SCMH1: variants seen among roughly 807,000 people sequenced by gnomAD.
SCMH1 encodes the protein Scm polycomb group protein homolog 1, also known as polycomb protein SCMH1.
Under a neutral mutation model 70.8 loss-of-function variants are expected in SCMH1, and 37 were observed. The observed-to-expected ratio is 0.52, with a 90% confidence interval of 0.40 to 0.69. The LOEUF (loss-of-function observed/expected upper bound fraction) is 0.69, where lower values mean the gene tolerates loss of function less well. Among genes scored for constraint, SCMH1 ranks in the 30% least tolerant of loss-of-function variants. The probability of loss-of-function intolerance (pLI) is 0.00; values close to 1 mark genes in which losing one functional copy is unlikely to be tolerated. For synonymous variants in SCMH1, 292 were observed against 307.4 expected (o/e 0.95, Z 0.52); for missense variants, 607 against 827.3 (o/e 0.73, Z 3.27).
chr1:41,058,554 G>C (rs1651429991), intron 10 of SCMH1, among the ~76,000 whole-genome samples: 1 of 151,794 alleles, frequency 6.6e-6, no homozygotes, highest in South Asian at 2.1e-4. Context: ...CTAATTCTTT[G>C]TATATTTAGT....
At chr1:41,067,176 G>C (rs551501439) in intron 10 of SCMH1, among the ~76,000 whole-genome samples, 1 of 152,160 alleles carries the variant, frequency 6.6e-6, no homozygotes, top group African/African-American at 2.4e-5. Flanking sequence ...CAGGCGTGGT[G>C]GTTCACACCT....
At chr1:41,114,663 C>CTCTCTT (rs1038268589) in intron 7 of SCMH1, among the ~76,000 whole-genome samples, 7 of 144,156 alleles carry the variant, frequency 4.9e-5, no homozygotes, top group African/African-American at 1.6e-4. Flanking sequence ...GATTTCCTTT[C>CTCTCTT]TCTCTCTCTC....
chr1:41,055,907 T>C (rs1195765523), intron 10 of SCMH1, among the ~76,000 whole-genome samples: 2 of 152,198 alleles, frequency 1.3e-5, no homozygotes, highest in African/African-American at 2.4e-5. Context: ...TGTAAAAGGA[T>C]GAGACTTCTG....
intron 9 of SCMH1, 116 bp downstream of exon 9, chr1:41,075,103 C>G: frequency 1.1e-6 from 1 of 919,494 alleles, no homozygotes; most frequent in South Asian, 1.5e-5. Context: ...ACCTCATGAT[C>G]CGCCCGCCTC....
At chr1:41,164,346 T>C (rs1646268077) in intron 2 of SCMH1, among the ~76,000 whole-genome samples, 1 of 152,028 alleles carries the variant, frequency 6.6e-6, no homozygotes, top group South Asian at 2.1e-4. Context: ...TTCTACACTA[T>C]GTTTACTTTT....
chr1:41,142,994 C>T (rs1210502666), exon 6 of SCMH1: 10 of 1,614,002 alleles, frequency 6.2e-6, no homozygotes, highest in South Asian at 1.1e-5. Flanking sequence ...AAGGCGCAGG[C>T]GAAGGCGGGC....
At chr1:41,099,034 C>A in intron 8 of SCMH1, 1 of 252,314 alleles carries the variant, frequency 4.0e-6, no homozygotes, top group South Asian at 5.8e-5. Context: ...CTGATGTGGT[C>A]AACACCCTGA....
intron 8 of SCMH1, among the ~76,000 whole-genome samples, chr1:41,104,187 A>G (rs1557451479): frequency 6.6e-6 from 1 of 152,262 alleles, no homozygotes; most frequent in East Asian, 1.9e-4. Context: ...TCATTCAATC[A>G]ACTGGGGAGG....
intron 10 of SCMH1, among the ~76,000 whole-genome samples, chr1:41,051,580 G>C (rs1374417454): frequency 2.0e-5 from 3 of 152,092 alleles, no homozygotes; most frequent in Admixed American, 6.6e-5. Flanking sequence ...TCCTGATCTT[G>C]TGTAGGCCTA....
chr1:41,176,189 C>CAAAAAAAAAAACAAAAAAAAAAA (rs61348122), intron 2 of SCMH1, among the ~76,000 whole-genome samples: 2 of 109,936 alleles, frequency 1.8e-5, no homozygotes, highest in African/African-American at 4.0e-5. Flanking sequence ...CCAAAAAAAA[C>CAAAAAAAAAAACAAAAAAAAAAA]AAAAAAAAAA....
At chr1:41,048,604 G>T in intron 11 of SCMH1, 86 bp downstream of exon 11, 2 of 1,204,864 alleles carry the variant, frequency 1.7e-6, no homozygotes, top group Non-Finnish European at 2.4e-6. Flanking sequence ...GTATGAAGTG[G>T]GAACCAGGAT....
At chr1:41,153,345 C>G (rs1333483290) in intron 4 of SCMH1, among the ~76,000 whole-genome samples, 1 of 152,132 alleles carries the variant, frequency 6.6e-6, no homozygotes, top group Non-Finnish European at 1.5e-5. Flanking sequence ...TTTTAATTAA[C>G]TTAAATTTAA....
intron 6 of SCMH1, among the ~76,000 whole-genome samples, chr1:41,129,538 C>G (rs1202242375): frequency 6.6e-6 from 1 of 152,158 alleles, no homozygotes; most frequent in Non-Finnish European, 1.5e-5. Flanking sequence ...TTTCCTTCCT[C>G]TTTAAGGCTG....
chr1:41,066,638 A>G (rs1654695251), intron 10 of SCMH1, among the ~76,000 whole-genome samples: 1 of 151,994 alleles, frequency 6.6e-6, no homozygotes, highest in Admixed American at 6.6e-5. Context: ...CAGTGGTGTG[A>G]TTTTGGCTCA....
intron 2 of SCMH1, among the ~76,000 whole-genome samples, chr1:41,183,812 A>G (rs1324945103): frequency 6.6e-6 from 1 of 152,244 alleles, no homozygotes. Flanking sequence ...AATTATTCAT[A>G]TTAATAAACA....
chr1:41,134,410 C>T (rs1043228056), intron 6 of SCMH1, among the ~76,000 whole-genome samples: 3 of 152,134 alleles, frequency 2.0e-5, no homozygotes, highest in African/African-American at 7.2e-5. Flanking sequence ...TCCTATTCAA[C>T]GTAGTATTAG....
chr1:41,211,324 AAAAC>A (rs1282590923), intron 1 of SCMH1, among the ~76,000 whole-genome samples: 2 of 152,264 alleles, frequency 1.3e-5, no homozygotes, highest in South Asian at 2.1e-4. Context: ...TTACAAGAAA[AAAAC>A]AAACAACCCC....
chr1:41,115,771 A>G (rs1455806035), intron 7 of SCMH1, among the ~76,000 whole-genome samples: 1 of 152,202 alleles, frequency 6.6e-6, no homozygotes, highest in Non-Finnish European at 1.5e-5. Context: ...CATCTGGCAC[A>G]TCTTTCATAT....
chr1:41,113,041 G>A lies in SCMH1; in HGVS notation c.745+242C>T, dbSNP rs550829138. ...AGCTGGTTGCCTGAGAATAAACCAG[G>A]ATATGTAGAGCAAAGAATTATTACT... is the stretch of plus-strand genomic sequence containing the variant. On this transcript the variant is annotated intron_variant, in intron 8 of 14. Coordinates refer to ENST00000337495, the Ensembl canonical transcript of SCMH1. This position sits in a 1 kb window ranked among gnomAD's most constrained non-coding sequence, Gnocchi z 4.3. 4.5e-4 allele frequency among the ~76,000 whole-genome samples: 69 copies of A among 152,272 alleles called. 1 individual carries two copies. Among genetic ancestry groups the A allele is most frequent in the Admixed American group, 1.2e-3 (19 of 15,290 alleles).
Sources: gnomAD v4.1 joint callset for allele counts (sites outside exome capture counted in the v4.1 genomes callset) on GRCh38, gnomAD v4.1.1 for gene constraint, Gnocchi (gnomAD v3.1) non-coding constraint, MANE v1.5 for transcripts, NCBI Gene and HGNC (gene_info 2026-07-23, HGNC 2026-07-21) for gene names.